The following FRG1 variants were observed in gnomAD, a reference collection of about 807,000 sequenced individuals.
FRG1 encodes the protein FSHD region gene 1.
A neutral mutation model predicts 37.0 loss-of-function variants in FRG1; 19 were observed. That is an observed-to-expected ratio of 0.51 (90% CI 0.36 to 0.75). FRG1 has a LOEUF of 0.75. FRG1 is among the 30% of genes least tolerant of loss of function. The pLI, the probability that FRG1 is intolerant of heterozygous loss-of-function variation, is 0.00. For synonymous variants in FRG1, 73 were observed against 96.5 expected, an observed-to-expected ratio of 0.76 and a Z score of 1.43; for missense variants, 243 against 301.4, an observed-to-expected ratio of 0.81 and a Z score of 1.44.
chr4:189,947,180 A>G (rs1251471662), intron 2 of FRG1, among the ~76,000 whole-genome samples: 1 of 152,348 alleles, frequency 6.6e-6, no homozygotes, highest in Non-Finnish European at 1.5e-5. Context: ...ATCAACTGGT[A>G]GAGCTTGTGA....
chr4:189,953,014 C>T (rs1274130278), intron 3 of FRG1, 54 bp from the exon 4 acceptor site: 7 of 1,522,166 alleles, frequency 4.6e-6, no homozygotes, highest in Non-Finnish European at 6.1e-6. Flanking sequence ...AAAATAATGT[C>T]TTTATATTTA....
At chr4:189,944,827 T>G (rs1736459571) in intron 2 of FRG1, among the ~76,000 whole-genome samples, 1 of 152,212 alleles carries the variant, frequency 6.6e-6, no homozygotes, top group Non-Finnish European at 1.5e-5. Context: ...GATCAGGTAG[T>G]GTGAGTCCTC....
At chr4:189,948,460 A>G (rs1736619400) in intron 2 of FRG1, among the ~76,000 whole-genome samples, 1 of 152,214 alleles carries the variant, frequency 6.6e-6, no homozygotes, top group Non-Finnish European at 1.5e-5. Context: ...AAGGTCTGTG[A>G]AGGGTACTTA....
At chr4:189,952,087 A>T in intron 2 of FRG1, 75 bp from the exon 3 acceptor site, 1 of 1,048,784 alleles carries the variant, frequency 9.5e-7, no homozygotes, top group Non-Finnish European at 1.4e-6. Flanking sequence ...TTTTAAAATT[A>T]AGTTATAATA....
intron 1 of FRG1, among the ~76,000 whole-genome samples, 190 bp downstream of exon 1, chr4:189,941,261 C>G (rs1325755731): frequency 6.6e-6 from 1 of 152,172 alleles, no homozygotes; most frequent in Non-Finnish European, 1.5e-5. Context: ...GGCAGCCTCC[C>G]GCGCGGACGA....
intron 2 of FRG1, among the ~76,000 whole-genome samples, chr4:189,945,855 G>C (rs1173273787): frequency 1.3e-5 from 2 of 152,244 alleles, no homozygotes; most frequent in African/African-American, 4.8e-5. Flanking sequence ...TTACATGTTT[G>C]ATAGAATTCA....
Position 189,945,609 on chromosome 4 carries a change from G to C in FRG1, c.133+2337G>C, listed in dbSNP as rs557774208. 5.4e-4 allele frequency among the ~76,000 whole-genome samples: 82 copies of C among 152,114 alleles called. No homozygotes were observed. The East Asian group carries it at 0.015, about 28-fold the overall frequency. ...GATAAACCCCACTTGGTTGTGGTGC[G>C]TTGTCCTTTGGGATATTGCTAGATT... On this transcript the variant is annotated intron_variant, in intron 2 of 8. Coordinates refer to ENST00000226798, the MANE Select transcript of FRG1 (RefSeq NM_004477.3).
chr4:189,952,379 C>G, intron 3 of FRG1, 92 bp downstream of exon 3: 1 of 1,212,314 alleles, frequency 8.2e-7, no homozygotes, highest in Non-Finnish European at 1.2e-6. Flanking sequence ...CAAACATTTT[C>G]CAAAGGAATG....
intron 6 of FRG1, among the ~76,000 whole-genome samples, chr4:189,957,926 C>T (rs529284450): frequency 3.3e-5 from 5 of 152,144 alleles, no homozygotes; most frequent in South Asian, 2.1e-4. Flanking sequence ...AGCACCTGTT[C>T]GTCTTTCCCT....
At chr4:189,941,272 C>G (rs1458272233) in intron 1 of FRG1, among the ~76,000 whole-genome samples, 3 of 152,148 alleles carry the variant, frequency 2.0e-5, no homozygotes, top group Admixed American at 2.0e-4. Context: ...GCGCGGACGA[C>G]CCTGGAAACA....
intron 2 of FRG1, among the ~76,000 whole-genome samples, chr4:189,949,488 G>A (rs1043430892): frequency 1.1e-4 from 17 of 152,176 alleles, no homozygotes; most frequent in African/African-American, 3.9e-4. Flanking sequence ...TAACGTTATT[G>A]TATCATTTCC....
rs1231950386 is a variant in FRG1, at chr4:189,955,079, T to C, written c.360T>C (p.Asn120=). The change falls in exon 5 of 9, where the codon AAT becomes AAC. Residue 120 remains asparagine (N), a synonymous_variant. Transcript: ENST00000226798. ...KSGYGKYLGI[N]SDGLVVGRSD... is the part of the protein sequence containing the mutation. ...GCTATGGAAAATATCTTGGTATAAA[T>C]TCAGATGGACTTGTTGTTGGGCGTT... 6.2e-7 allele frequency: 1 copy of C among 1,613,608 alleles called. No individual in the cohort carries two copies.
intron 6 of FRG1, among the ~76,000 whole-genome samples, chr4:189,957,842 C>T (rs1482840452): frequency 2.0e-5 from 3 of 152,204 alleles, no homozygotes; most frequent in East Asian, 1.9e-4. Context: ...ATAACATGTA[C>T]ACGTGGTCCA....
chr4:189,953,573 A>T (rs1340035754), intron 4 of FRG1, among the ~76,000 whole-genome samples: 1 of 152,142 alleles, frequency 6.6e-6, no homozygotes, highest in Non-Finnish European at 1.5e-5. Context: ...AACCTTTTTT[A>T]TTCTCACCTT....
At position 189,953,139 on chromosome 4, in the gene FRG1, G is replaced by A. The variant is rs775263977; in HGVS notation, c.317+14G>A. 2.6e-6 allele frequency: 4 copies of A among 1,561,466 alleles called. No individual in the cohort carries two copies. Among genetic ancestry groups the A allele is most frequent in the African/African-American group, 1.4e-5 (1 of 72,576 alleles). ...ATCTGATTCCAGGTGAGCTTATGTTGTAATATAATTAGTAACCAGTTATTT... is the reference window on the plus strand; with the variant it reads ...ATCTGATTCCAGGTGAGCTTATGTTATAATATAATTAGTAACCAGTTATTT... On this transcript the variant is annotated intron_variant, in intron 4 of 8. Coordinates refer to ENST00000226798, the MANE Select transcript of FRG1 (RefSeq NM_004477.3).
chr4:189,946,790 G>A (rs1177841082), intron 2 of FRG1, among the ~76,000 whole-genome samples: 1 of 152,056 alleles, frequency 6.6e-6, no homozygotes, highest in Non-Finnish European at 1.5e-5. Flanking sequence ...CTTTCTTAGT[G>A]AATTTCCATG....
chr4:189,955,511 A>C (rs1234581965), intron 5 of FRG1, among the ~76,000 whole-genome samples: 11 of 152,210 alleles, frequency 7.2e-5, no homozygotes, highest in Admixed American at 6.5e-4. Context: ...GTAAGCGAAC[A>C]GTGGAGCTTG....
At chr4:189,961,739 A>G in intron 7 of FRG1, 83 bp from the exon 8 acceptor site, 2 of 647,888 alleles carry the variant, frequency 3.1e-6, no homozygotes, top group Non-Finnish European at 5.3e-6. Context: ...GTGAAAAAGA[A>G]ATTAACAGTA....
At chr4:189,942,155 A>G (rs560215520) in intron 1 of FRG1, among the ~76,000 whole-genome samples, 36 of 152,348 alleles carry the variant, frequency 2.4e-4, no homozygotes, top group South Asian at 6.2e-4. Flanking sequence ...AGCACTGTCA[A>G]TGTGCCAAGA....
Sources: allele counts gnomAD v4.1 joint callset (sites outside exome capture counted in the v4.1 genomes callset), GRCh38; gene constraint gnomAD v4.1.1; transcripts MANE v1.5; gene names NCBI Gene and HGNC (gene_info 2026-07-23, HGNC 2026-07-21).